STOML3: variants seen among roughly 807,000 people sequenced by gnomAD.
STOML3 encodes the protein stomatin like 3, also known as stomatin-like protein 3.
STOML3 carries 31 observed loss-of-function variants against 29.5 expected under a neutral mutation model. The ratio of observed to expected loss-of-function variants is 1.05; its 90% CI spans 0.79 to 1.42. The LOEUF (loss-of-function observed/expected upper bound fraction) is 1.42, where lower values mean the gene tolerates loss of function less well. STOML3 is among the 40% of genes most tolerant of loss of function. The probability of loss-of-function intolerance (pLI) is 0.00; values close to 1 mark genes in which losing one functional copy is unlikely to be tolerated. For missense variants in STOML3, 380 were observed against 363.0 expected (o/e 1.05, Z -0.38); for synonymous variants, 122 against 139.8 (o/e 0.87, Z 0.90).
At chr13:38,980,534 T>A (rs368419314) in intron 1 of STOML3, among the ~76,000 whole-genome samples, 3 of 151,282 alleles carry the variant, frequency 2.0e-5, no homozygotes, top group East Asian at 3.9e-4. Flanking sequence ...TCTGAGGGGA[T>A]GATGGAAGAA....
At position 38,968,506 on chromosome 13, in the gene STOML3, C is replaced by T; in HGVS notation, c.545G>A (p.Trp182Ter). 6.2e-7 allele frequency: 1 copy of T among 1,614,178 alleles called. No individual in the cohort carries two copies. The highest frequency in any genetic ancestry group is 8.5e-7 in the Non-Finnish European group (1 of 1,180,024). ...QTLLDDATEL[W>*]GIRVARVEIK... ...TTCCACTCGGGCCACCCGGATCCCC[C>T]ACAGTTCGGTGGCATCATCAAGTAA... The change falls in exon 6 of 7, where the codon TGG (tryptophan) becomes TAG (stop). Residue 182 changes from tryptophan (W) to a stop codon, truncating the protein, a stop_gained. Coordinates refer to ENST00000379631, the MANE Select transcript of STOML3 (RefSeq NM_145286.3). LOFTEE classifies it high-confidence loss of function.
chr13:38,971,187 C>A (rs1010184756), intron 4 of STOML3, among the ~76,000 whole-genome samples: 2 of 152,116 alleles, frequency 1.3e-5, no homozygotes, highest in Non-Finnish European at 2.9e-5. Context: ...TGCATGCCAC[C>A]ATGCCCAGCT....
intron 1 of STOML3, among the ~76,000 whole-genome samples, chr13:38,986,438 G>A (rs535682966): frequency 6.6e-6 from 1 of 152,274 alleles, no homozygotes; most frequent in East Asian, 1.9e-4. Context: ...ATGCTTCCCA[G>A]AGGAAAAATT....
intron 3 of STOML3, among the ~76,000 whole-genome samples, chr13:38,972,945 T>C (rs1880931916): frequency 6.6e-6 from 1 of 151,672 alleles, no homozygotes; most frequent in Non-Finnish European, 1.5e-5. Context: ...AGTGGAAAAT[T>C]TGAACACAGA....
At chr13:38,985,756 TATG>T (rs1451253015) in intron 1 of STOML3, among the ~76,000 whole-genome samples, 1 of 151,778 alleles carries the variant, frequency 6.6e-6, no homozygotes, top group Non-Finnish European at 1.5e-5. Context: ...ATAATTATGG[TATG>T]ATGTTAGAAG....
At chr13:38,971,900 G>A (rs1027523060) in intron 4 of STOML3, among the ~76,000 whole-genome samples, 2 of 152,086 alleles carry the variant, frequency 1.3e-5, no homozygotes, top group African/African-American at 4.8e-5. Context: ...ACTCCAGCCT[G>A]GGCGACAAGA....
In STOML3 at chr13:38,976,531, C is replaced by T; in HGVS notation, c.229+9G>A. 1 of 1,614,168 alleles carries T rather than the reference C, an allele frequency of 6.2e-7. No individual in the cohort carries two copies. The highest frequency in any genetic ancestry group is 1.3e-5 in the African/African-American group (1 of 75,056). The stretch of plus-strand genomic sequence containing the variant: ...GATCTTTCAGGGGCAGCCACCGCGT[C>T]ATTCATACCTGGCCCCTTGGCTTTG... On this transcript the variant is annotated intron_variant, in intron 3 of 6. Transcript: ENST00000379631.
In STOML3 at chr13:38,974,390, T is replaced by C. The variant is rs529116294; in HGVS notation, c.230-1796A>G. On this transcript the variant is annotated intron_variant, in intron 3 of 6. Transcript: ENST00000379631. ...TTGGCCTCTAAACCTTACTTCCATT[T>C]TTGGTGCCAGGTCACTGTGGTTAAG... is the stretch of plus-strand genomic sequence containing the variant. Among the ~76,000 whole-genome samples the C allele has an allele frequency of 4.6e-5, 7 of 152,084 alleles. No homozygotes were observed. The South Asian group carries it at 6.2e-4, about 14-fold the overall frequency.
chr13:38,985,485 A>T (rs535740921), intron 1 of STOML3, among the ~76,000 whole-genome samples: 7 of 152,286 alleles, frequency 4.6e-5, no homozygotes, highest in African/African-American at 1.7e-4. Context: ...TCCTTGCATC[A>T]TCTTATCATT....
At chr13:38,987,824 TATATAATATATTATATTTTATATA>T (rs1384333206) in intron 1 of STOML3, among the ~76,000 whole-genome samples, 15 of 92,314 alleles carry the variant, frequency 1.6e-4, no homozygotes, top group Non-Finnish European at 2.7e-4. Flanking sequence ...TATTATATTT[TATATAATATATTATATTTTATATA>T]ATATATTATA....
Position 38,987,258 on chromosome 13 carries a change from C to A in STOML3, c.52+3412G>T, listed in dbSNP as rs1025469371. Among the ~76,000 whole-genome samples the A allele has an allele frequency of 4.6e-5, 7 of 152,220 alleles. No individual in the cohort carries two copies. In the East Asian group the frequency reaches 1.4e-3, roughly 29 times the overall value. On this transcript the variant is annotated intron_variant, in intron 1 of 6. Transcript: ENST00000379631. Reference sequence around the variant, plus strand: ...CTGGTCCAGGCCTGGCACAGTGGCTCATGCCTGTAATCCTAGCACTTTGGG... The same window carrying A: ...CTGGTCCAGGCCTGGCACAGTGGCTAATGCCTGTAATCCTAGCACTTTGGG...
intron 1 of STOML3, among the ~76,000 whole-genome samples, chr13:38,981,024 A>G (rs1323345323): frequency 2.0e-5 from 3 of 152,226 alleles, no homozygotes; most frequent in African/African-American, 7.2e-5. Context: ...TGCAAAGAAA[A>G]AGGTAGAGCC....
intron 1 of STOML3, among the ~76,000 whole-genome samples, chr13:38,987,001 A>T (rs1168534576): frequency 6.6e-6 from 1 of 152,150 alleles, no homozygotes; most frequent in African/African-American, 2.4e-5. Context: ...CTCTTAGAAG[A>T]CAAAACAAAT....
chr13:38,989,435 G>T lies in STOML3; in HGVS notation c.52+1235C>A, dbSNP rs139882837. On this transcript the variant is annotated intron_variant, in intron 1 of 6. Coordinates refer to ENST00000379631, the MANE Select transcript of STOML3 (RefSeq NM_145286.3). Reference sequence around the variant, plus strand: ...CAAGCTTTTCATGCCTACTTCAAAAGAAAAGTTTCTTTTCCAATTCAGGTA... The same window carrying T: ...CAAGCTTTTCATGCCTACTTCAAAATAAAAGTTTCTTTTCCAATTCAGGTA... Among the ~76,000 whole-genome samples the T allele has an allele frequency of 3.3e-5, 5 of 152,112 alleles. No individual in the cohort carries two copies. In the East Asian group the frequency reaches 9.6e-4, roughly 29 times the overall value.
Position 38,982,910 on chromosome 13 carries a change from A to T in STOML3, c.53-6113T>A, listed in dbSNP as rs556696789. 7.2e-5 allele frequency among the ~76,000 whole-genome samples: 11 copies of T among 152,210 alleles called. No individual in the cohort carries two copies. In the East Asian group the frequency reaches 1.7e-3, roughly 24 times the overall value. On this transcript the variant is annotated intron_variant, in intron 1 of 6. Transcript: ENST00000379631. ...TGCACATCTAATTGTTCCCTGTCCC[A>T]TTTATCTTTGTCACCTTATATAAAA...
intron 1 of STOML3, among the ~76,000 whole-genome samples, chr13:38,985,404 CAG>C (rs761720287): frequency 3.9e-5 from 6 of 152,004 alleles, no homozygotes; most frequent in African/African-American, 7.3e-5. Context: ...GCCTGGGAAA[CAG>C]AGCGAGAGAG....
At chr13:38,979,321 A>G (rs2138018407) in intron 1 of STOML3, among the ~76,000 whole-genome samples, 1 of 152,322 alleles carries the variant, frequency 6.6e-6, no homozygotes. Flanking sequence ...TTCATGACAG[A>G]GCCTATAGAT....
At chr13:38,976,865 G>A in intron 1 of STOML3, 68 bp from the exon 2 acceptor site, 2 of 1,349,460 alleles carry the variant, frequency 1.5e-6, no homozygotes, top group Non-Finnish European at 2.1e-6. Flanking sequence ...AGCTGCATGG[G>A]TGTGGAACCT....
chr13:38,985,911 C>CTTTTTTTTTTTTTTTTTTTTTTTTT lies in STOML3; in HGVS notation c.52+4758_52+4759insAAAAAAAAAAAAAAAAAAAAAAAAA, dbSNP rs1170409048. Reference sequence around the variant, plus strand: ...TTTCTTTTTTTTTTTTCTTTTCTTTCTTTTTTTTTTTTTTTTTTTTTTGTT... The same window carrying CTTTTTTTTTTTTTTTTTTTTTTTTT: ...TTTCTTTTTTTTTTTTCTTTTCTTTCTTTTTTTTTTTTTTTTTTTTTTTTTTTTTTTTTTTTTTTTTTTTTTTGTT... On this transcript the variant is annotated intron_variant, in intron 1 of 6. Transcript: ENST00000379631. Among the ~76,000 whole-genome samples the CTTTTTTTTTTTTTTTTTTTTTTTTT allele has an allele frequency of 8.3e-4, 71 of 85,614 alleles. 1 individual carries two copies. The highest frequency in any genetic ancestry group is 1.2e-3 in the East Asian group (3 of 2,424). 56.2% of individuals were successfully genotyped at this position (85,614 alleles called of 152,430 possible).
Sources: allele counts gnomAD v4.1 joint callset (sites outside exome capture counted in the v4.1 genomes callset), GRCh38; gene constraint gnomAD v4.1.1; transcripts MANE v1.5; gene names NCBI Gene and HGNC (gene_info 2026-07-23, HGNC 2026-07-21).